AGBL1: variants seen among roughly 807,000 people sequenced by gnomAD.
AGBL1 encodes AGBL carboxypeptidase 1.
AGBL1 carries 130 observed loss-of-function variants against 118.9 expected under a neutral mutation model. The ratio of observed to expected loss-of-function variants is 1.09; its 90% CI spans 0.95 to 1.26. The LOEUF is 1.26. Ranked by LOEUF, AGBL1 falls within the 50% of genes most tolerant of loss-of-function variation. AGBL1 has a pLI of 0.00. For synonymous variants in AGBL1, 555 were observed against 478.9 expected (o/e 1.16, Z -2.08); for missense variants, 1,584 against 1,298.1 (o/e 1.22, Z -3.38).
intron 18 of AGBL1, among the ~76,000 whole-genome samples, chr15:86,503,806 T>C (rs535498359): frequency 9.0e-4 from 137 of 151,672 alleles, no homozygotes; most frequent in African/African-American, 3.2e-3. Context: ...TTTGTATGAT[T>C]TAAATCATTT....
chr15:87,027,874 G>A (rs974183999), intron 24 of AGBL1, among the ~76,000 whole-genome samples: 2 of 151,862 alleles, frequency 1.3e-5, no homozygotes, highest in Non-Finnish European at 2.9e-5. Context: ...ACACACTGGG[G>A]CCTCTCGAGG....
At chr15:86,388,146 C>T (rs1263827414) in intron 17 of AGBL1, among the ~76,000 whole-genome samples, 1 of 152,160 alleles carries the variant, frequency 6.6e-6, no homozygotes, top group Non-Finnish European at 1.5e-5. Context: ...AAACCCTGCT[C>T]ATCTGGGAAG....
intron 22 of AGBL1, among the ~76,000 whole-genome samples, chr15:86,700,329 A>G (rs1424622677): frequency 6.6e-6 from 1 of 151,970 alleles, no homozygotes; most frequent in Non-Finnish European, 1.5e-5. Flanking sequence ...GCACAGCAGT[A>G]TGTTCTAGGT....
chr15:86,663,097 A>G (rs2085575125), intron 21 of AGBL1, among the ~76,000 whole-genome samples: 1 of 152,108 alleles, frequency 6.6e-6, no homozygotes, highest in Non-Finnish European at 1.5e-5. Flanking sequence ...GCATTACAAG[A>G]CTTCCACACC....
In AGBL1 at chr15:86,567,960, A is replaced by G. The variant is rs530776452; in HGVS notation, c.2994+13423A>G. On this transcript the variant is annotated intron_variant, in intron 21 of 22. Transcript: ENST00000614907. ...ATGTAAAAGGTGAGATGGTTTTGAG[A>G]CAAGTTTTTGTTTTTCTTCTCTTGC... Among the ~76,000 whole-genome samples the G allele has an allele frequency of 3.3e-5, 5 of 152,236 alleles. No homozygotes were observed. In the East Asian group the frequency reaches 9.7e-4, roughly 29 times the overall value.
chr15:86,781,607 C>G (rs942860439), intron 22 of AGBL1, among the ~76,000 whole-genome samples: 1 of 152,112 alleles, frequency 6.6e-6, no homozygotes, highest in Non-Finnish European at 1.5e-5. Context: ...TCTCTACATA[C>G]CTTTCTAGGA....
chr15:86,625,364 C>CCTTTCTTT (rs1429206623), intron 21 of AGBL1, among the ~76,000 whole-genome samples: 2 of 68,260 alleles, frequency 2.9e-5, no homozygotes, highest in African/African-American at 1.0e-4. Context: ...AAGAAATTAG[C>CCTTTCTTT]GTTTTTTTTT....
intron 15 of AGBL1, among the ~76,000 whole-genome samples, chr15:86,277,132 G>C (rs1292912688): frequency 6.7e-6 from 1 of 149,854 alleles, no homozygotes; most frequent in Non-Finnish European, 1.5e-5. Flanking sequence ...TTCTAAATAA[G>C]GTGTTTATAA....
chr15:86,790,639 T>C (rs1051955340), intron 22 of AGBL1, among the ~76,000 whole-genome samples: 13 of 152,258 alleles, frequency 8.5e-5, no homozygotes, highest in African/African-American at 2.9e-4. Flanking sequence ...ATGATTTCCA[T>C]TGGAATACTA....
intron 18 of AGBL1, among the ~76,000 whole-genome samples, chr15:86,433,451 G>T (rs1278576556): frequency 6.6e-6 from 1 of 151,892 alleles, no homozygotes; most frequent in Non-Finnish European, 1.5e-5. Context: ...CATTTCTTGT[G>T]CAAGGAAGAC....
At chr15:86,080,385 G>A (rs999171887) in intron 1 of AGBL1, 34 of 177,516 alleles carry the variant, frequency 1.9e-4, no homozygotes, top group African/African-American at 7.5e-4. Flanking sequence ...CTGAGAGCAT[G>A]CAGAGCTGTC....
chr15:86,795,010 G>A (rs900135580), intron 22 of AGBL1, among the ~76,000 whole-genome samples: 1 of 151,662 alleles, frequency 6.6e-6, no homozygotes, highest in African/African-American at 2.4e-5. Context: ...GGGAAAATAA[G>A]AGACCCAGCA....
At position 86,907,373 on chromosome 15, in the gene AGBL1, G is replaced by A. The variant is rs2080295021; in HGVS notation, c.*79G>A. 6.6e-6 allele frequency: 1 copy of A among 152,184 alleles called. No homozygotes were observed. Among genetic ancestry groups the A allele is most frequent in the African/African-American group, 2.4e-5 (1 of 41,444 alleles). The allele number at this position is 152,184 out of a possible 1,614,324, so 9.4% of individuals were successfully genotyped here. A position where few individuals can be genotyped will look rare whatever the true frequency, so the allele number is the denominator to read the frequency against. On this transcript the variant is annotated 3_prime_UTR_variant, in exon 23 of 23. Coordinates refer to ENST00000614907, the MANE Select transcript of AGBL1 (RefSeq NM_001386094.1). ...CTGTGTTGCTGCTTCTTCATCATCAGACACACACAATGTATATGTCAGTGC... is the reference window on the plus strand; with the variant it reads ...CTGTGTTGCTGCTTCTTCATCATCAAACACACACAATGTATATGTCAGTGC...
chr15:86,564,732 A>G (rs1284597271), intron 21 of AGBL1, among the ~76,000 whole-genome samples: 1 of 152,208 alleles, frequency 6.6e-6, no homozygotes, highest in East Asian at 1.9e-4. Context: ...GTGTTTTCCA[A>G]CTTGGTTCCA....
At chr15:86,448,279 T>C (rs2082150958) in intron 18 of AGBL1, among the ~76,000 whole-genome samples, 1 of 152,224 alleles carries the variant, frequency 6.6e-6, no homozygotes, top group Non-Finnish European at 1.5e-5. Context: ...TTAGCCATCA[T>C]TGTTTACGAA....
chr15:86,903,387 T>C (rs1194140324), intron 22 of AGBL1, among the ~76,000 whole-genome samples: 2 of 152,186 alleles, frequency 1.3e-5, no homozygotes, highest in East Asian at 1.9e-4. Context: ...TTCTGGGATG[T>C]TCTATTTCTT....
At chr15:86,539,638 C>T (rs1415332974) in intron 19 of AGBL1, among the ~76,000 whole-genome samples, 1 of 152,340 alleles carries the variant, frequency 6.6e-6, no homozygotes, top group East Asian at 1.9e-4. Flanking sequence ...ACTCTACCCT[C>T]TTATTCCAAA....
At chr15:86,410,221 T>A (rs2081589161) in intron 18 of AGBL1, among the ~76,000 whole-genome samples, 1 of 152,128 alleles carries the variant, frequency 6.6e-6, no homozygotes, top group Admixed American at 6.5e-5. Flanking sequence ...TGGTAGTTAC[T>A]CTCAGGGGTG....
chr15:86,686,319 C>T (rs989414215), intron 22 of AGBL1, among the ~76,000 whole-genome samples: 1 of 151,894 alleles, frequency 6.6e-6, no homozygotes, highest in Admixed American at 6.6e-5. Flanking sequence ...TTTTTAACCT[C>T]TCACATGTTA....
Sources: allele counts gnomAD v4.1 joint callset (sites outside exome capture counted in the v4.1 genomes callset), GRCh38; gene constraint gnomAD v4.1.1; transcripts MANE v1.5; gene names NCBI Gene and HGNC (gene_info 2026-07-23, HGNC 2026-07-21).